Variants in FIS1 observed in about 807,000 individuals in gnomAD.
FIS1 encodes mitochondrial fission 1 protein.
Under a neutral mutation model 21.6 loss-of-function variants are expected in FIS1, and 16 were observed. The ratio of observed to expected loss-of-function variants is 0.74; its 90% CI spans 0.50 to 1.12. The LOEUF (loss-of-function observed/expected upper bound fraction) is 1.12. Among genes scored for constraint, FIS1 ranks in the 50% most tolerant of loss-of-function variants. FIS1 has a pLI of 0.00. For missense variants in FIS1, 198 were observed against 190.9 expected, an observed-to-expected ratio of 1.04 and a Z score of -0.22; for synonymous variants, 92 against 82.2, an observed-to-expected ratio of 1.12 and a Z score of -0.65.
chr7:101,242,104 T>C (rs1251212507), intron 2 of FIS1, among the ~76,000 whole-genome samples: 1 of 152,180 alleles, frequency 6.6e-6, no homozygotes, highest in Non-Finnish European at 1.5e-5. Context: ...CATGCCTGGC[T>C]AATTTAAACA....
chr7:101,240,234 G>C lies in FIS1; in HGVS notation c.269C>G (p.Ala90Gly), dbSNP rs1250614056. The C allele has an allele frequency of 1.9e-6, 3 of 1,614,206 alleles. No individual in the cohort carries two copies. The South Asian group carries it at 3.3e-5, about 18-fold the overall frequency. Residue 90 changes from alanine (A) to glycine (G), a missense_variant, in exon 4 of 5, where the codon GCC becomes GGC. By Grantham distance (60) the Ala-to-Gly change is moderately conservative (BLOSUM62 0). Transcript: ENST00000223136. ...GNYRLKEYEK[A>G]LKYVRGLLQT... ...CAGCAACCCGCGGACGTACTTTAAG[G>C]CCTTCTCGTATTCCTGCGCTCGGGG...
chr7:101,244,809 G>T, intron 1 of FIS1, 151 bp downstream of exon 1: 1 of 888,616 alleles, frequency 1.1e-6, no homozygotes, highest in Non-Finnish European at 1.8e-6. Context: ...GGCCCTCCGG[G>T]CAGGAGCCAG....
chr7:101,244,808 G>A, intron 1 of FIS1, 152 bp downstream of exon 1: 3 of 882,950 alleles, frequency 3.4e-6, no homozygotes, highest in South Asian at 1.6e-5. Flanking sequence ...AGGCCCTCCG[G>A]GCAGGAGCCA....
chr7:101,240,379 A>C, intron 3 of FIS1, 132 bp from the exon 4 acceptor site: 1 of 812,774 alleles, frequency 1.2e-6, no homozygotes, highest in Middle Eastern at 3.1e-4. Context: ...GCCCACTGCA[A>C]CCTCAAACTC....
Position 101,245,081 on chromosome 7 carries a change from C to T in FIS1, c.-77G>A. The T allele has an allele frequency of 6.6e-7, 1 of 1,526,064 alleles. No homozygotes were observed. 94.5% of individuals were successfully genotyped at this position (1,526,064 alleles called of 1,614,324 possible). On this transcript the variant is annotated 5_prime_UTR_variant, in exon 1 of 5. Coordinates refer to ENST00000223136, the MANE Select transcript of FIS1 (RefSeq NM_016068.3). The stretch of plus-strand genomic sequence containing the variant: ...ATGGCCCAGTGGCAGGGGCGGAGAA[C>T]CACTTCCGGCGTCCGGCGGATGCTG...
rs1562907281 is a variant in FIS1, at chr7:101,240,187, G to T, written c.316C>A (p.Gln106Lys). Residue 106 changes from glutamine (Q) to lysine (K), a missense_variant, in exon 4 of 5, where the codon CAG (glutamine) becomes AAG (lysine). Physicochemically the swap from Gln to Lys is moderately conservative, Grantham distance 53. Transcript: ENST00000223136. ...ATGAGCCGCTCCAGTTCCTTGGCCTGGTTGTTCTGGGGCTCTGTCTGCAGC... is the reference window on the plus strand; with the variant it reads ...ATGAGCCGCTCCAGTTCCTTGGCCTTGTTGTTCTGGGGCTCTGTCTGCAGC... Reference protein sequence around the residue: ...GLLQTEPQNNQAKELERLIDK... With the variant: ...GLLQTEPQNNKAKELERLIDK... 6.2e-7 allele frequency: 1 copy of T among 1,614,098 alleles called. No homozygotes were observed. The highest frequency in any genetic ancestry group is 1.1e-5 in the South Asian group (1 of 91,096).
intron 2 of FIS1, among the ~76,000 whole-genome samples, chr7:101,243,458 C>T (rs2116851060): frequency 6.6e-6 from 1 of 152,252 alleles, no homozygotes; most frequent in Non-Finnish European, 1.5e-5. Flanking sequence ...CACCTGTAAT[C>T]CCAGCTACTC....
Position 101,239,533 on chromosome 7 carries a change from G to A in FIS1, c.*273C>T. On this transcript the variant is annotated 3_prime_UTR_variant, in exon 5 of 5. Coordinates refer to ENST00000223136, the MANE Select transcript of FIS1 (RefSeq NM_016068.3). ...GTGCCAACCTGGAGGGCAGGGGCAG[G>A]AGAGGACCAGGAGTGACGTCTCCGC... 1.9e-6 allele frequency: 1 copy of A among 522,214 alleles called. No homozygotes were observed. Among genetic ancestry groups the A allele is most frequent in the East Asian group, 3.5e-5 (1 of 28,268 alleles). The allele number at this position is 522,214 out of a possible 1,614,324, so 32.3% of individuals were successfully genotyped here. A position where few individuals can be genotyped will look rare whatever the true frequency, so the allele number is the denominator to read the frequency against.
rs146832792 is a variant in FIS1, at chr7:101,240,929, G to A, written c.179-23C>T. On this transcript the variant is annotated intron_variant, in intron 2 of 4. Coordinates refer to ENST00000223136, the MANE Select transcript of FIS1 (RefSeq NM_016068.3). ...GCTCTGGGGAGGGGCAGAGAAGAGG[G>A]TGAGAAATGCTTCTTTCCTAATACT... 30 of 1,610,594 alleles carry A rather than the reference G, an allele frequency of 1.9e-5. No individual in the cohort carries two copies. In the East Asian group the frequency reaches 6.5e-4, roughly 35 times the overall value.
At chr7:101,240,408 C>T (rs559894671) in intron 3 of FIS1, among the ~76,000 whole-genome samples, 161 bp from the exon 4 acceptor site, 1 of 152,326 alleles carries the variant, frequency 6.6e-6, no homozygotes, top group Non-Finnish European at 1.5e-5. Flanking sequence ...AAGCAGTCCT[C>T]CCGCCTCAGC....
intron 3 of FIS1, among the ~76,000 whole-genome samples, 184 bp from the exon 4 acceptor site, chr7:101,240,431 C>G (rs1485567880): frequency 6.6e-6 from 1 of 152,144 alleles, no homozygotes; most frequent in African/African-American, 2.4e-5. Context: ...CCTGAGTAGC[C>G]GGGATTACAG....
chr7:101,239,794 C>T lies in FIS1; in HGVS notation c.*12G>A. Reference sequence around the variant, plus strand: ...CCTCCTGGAGCGTTCTCCGTGGGCTCCCGCGTCTCCTTCAGGATTTGGACT... The same window carrying T: ...CCTCCTGGAGCGTTCTCCGTGGGCTTCCGCGTCTCCTTCAGGATTTGGACT... On this transcript the variant is annotated 3_prime_UTR_variant, in exon 5 of 5. Coordinates refer to ENST00000223136, the MANE Select transcript of FIS1 (RefSeq NM_016068.3). The T allele has an allele frequency of 6.3e-7, 1 of 1,583,882 alleles. No homozygotes were observed. The highest frequency in any genetic ancestry group is 1.1e-5 in the South Asian group (1 of 87,006).
chr7:101,244,851 G>T, intron 1 of FIS1, 109 bp downstream of exon 1: 1 of 1,399,548 alleles, frequency 7.1e-7, no homozygotes. Flanking sequence ...GCCGTAGTTC[G>T]GCTTCCCTCG....
chr7:101,241,222 T>C (rs1798742663), intron 2 of FIS1: 1 of 307,230 alleles, frequency 3.3e-6, no homozygotes, highest in Non-Finnish European at 6.1e-6. Context: ...TTTTGGCATC[T>C]GCTGTGGTAT....
In FIS1 at chr7:101,239,902, A is replaced by T; in HGVS notation, c.363T>A (p.Asp121Glu). 1 of 1,602,304 alleles carries T rather than the reference A, an allele frequency of 6.2e-7. No individual in the cohort carries two copies. The highest frequency in any genetic ancestry group is 1.3e-5 in the African/African-American group (1 of 74,824). ...ERLIDKAMKK[D>E]GLVGMAIVGG... ...CCACGATGGCCATGCCCACGAGTCC[A>T]TCTGGGGAAGGAAAGGGACAGTGTC... is the stretch of plus-strand genomic sequence containing the variant. The change falls in exon 5 of 5, where the codon GAT becomes GAA. Residue 121 changes from aspartate to glutamate, a missense_variant and splice_region_variant. By Grantham distance (45) the Asp-to-Glu change is conservative (BLOSUM62 2). Transcript: ENST00000223136.
At position 101,245,049 on chromosome 7, in the gene FIS1, AGT is replaced by A; in HGVS notation, c.-47_-46del. 6.2e-7 allele frequency: 1 copy of A among 1,608,134 alleles called. No homozygotes were observed. The highest frequency in any genetic ancestry group is 8.5e-7 in the Non-Finnish European group (1 of 1,176,286). On this transcript the variant is annotated 5_prime_UTR_variant, in exon 1 of 5. An upstream open reading frame in the 5' UTR loses its in-frame stop. Transcript: ENST00000223136. ...CTCACACTACAGTCTACTGTGCCAC[AGT>A]CTCCATGGCCCAGTGGCAGGGGCGG...
At chr7:101,240,459 G>C (rs1313322198) in intron 3 of FIS1, among the ~76,000 whole-genome samples, 1 of 152,108 alleles carries the variant, frequency 6.6e-6, no homozygotes, top group Non-Finnish European at 1.5e-5. Flanking sequence ...CCACTGGGCC[G>C]GCTACACCTC....
At position 101,240,187 on chromosome 7, in the gene FIS1, GGTT is replaced by G. The variant is rs773065424; in HGVS notation, c.313_315del (p.Asn105del). ...ATGAGCCGCTCCAGTTCCTTGGCCT[GGTT>G]GTTCTGGGGCTCTGTCTGCAGCAAC... On this transcript the variant is annotated inframe_deletion, in exon 4 of 5. Transcript: ENST00000223136. The G allele has an allele frequency of 9.3e-6, 15 of 1,614,216 alleles. No homozygotes were observed. Among genetic ancestry groups the G allele is most frequent in the Middle Eastern group, 1.6e-4 (1 of 6,062 alleles).
chr7:101,244,213 C>T (rs1482500247), intron 1 of FIS1, 74 bp from the exon 2 acceptor site: 1 of 1,524,450 alleles, frequency 6.6e-7, no homozygotes, highest in East Asian at 2.4e-5. Context: ...ATGCCATCTC[C>T]CTGGCTCTGC....
Sources: allele counts gnomAD v4.1 joint callset (sites outside exome capture counted in the v4.1 genomes callset), GRCh38; gene constraint gnomAD v4.1.1; transcripts MANE v1.5; gene names NCBI Gene and HGNC (gene_info 2026-07-23, HGNC 2026-07-21).